RASAL2: variants seen among roughly 807,000 people sequenced by gnomAD.
RASAL2 encodes RAS protein activator like 2, also known as ras GTPase-activating protein nGAP.
In RASAL2, 58 loss-of-function variants were observed where a neutral mutation model predicts 128.9. The observed-to-expected ratio is 0.45, with a 90% CI of 0.36 to 0.56. The LOEUF (loss-of-function observed/expected upper bound fraction) is 0.56. RASAL2 is among the 20% of genes least tolerant of loss of function. The pLI is 0.00. For synonymous variants in RASAL2, 561 were observed against 580.8 expected, an observed-to-expected ratio of 0.97 and a Z score of 0.49; for missense variants, 1,360 against 1,601.6, an observed-to-expected ratio of 0.85 and a Z score of 2.57.
intron 1 of RASAL2, chr1:178,120,950 G>C (rs1415600751): frequency 1.3e-5 from 2 of 152,294 alleles, no homozygotes; most frequent in Non-Finnish European, 2.9e-5. Context: ...CTTGCCTGCT[G>C]CTCATCTCCT....
In RASAL2 at chr1:178,442,728, G is replaced by A; in HGVS notation, c.981G>A (p.Lys327=). The A allele has an allele frequency of 2.5e-6, 4 of 1,613,630 alleles. No homozygotes were observed. Among genetic ancestry groups the A allele is most frequent in the Middle Eastern group, 1.7e-4 (1 of 6,060 alleles). The change falls in exon 8 of 18, where the codon AAG becomes AAA. Residue 327 remains lysine (K), a synonymous_variant. Transcript: ENST00000367649. ...NVLRLWIIEA[K]DLAPKKKYFC... is the part of the protein sequence containing the mutation. ...TTCGTTTATGGATCATTGAAGCCAA[G>A]GACCTTGCCCCTAAAAAGAAATATT...
At chr1:178,224,988 A>G (rs1180124501) in intron 1 of RASAL2, among the ~76,000 whole-genome samples, 2 of 152,142 alleles carry the variant, frequency 1.3e-5, no homozygotes, top group Non-Finnish European at 2.9e-5. Context: ...TCTGTGGATC[A>G]TAGTTTAGAA....
Position 178,473,131 on chromosome 1 carries a change from C to G in RASAL2, c.3735C>G (p.Thr1245=), listed in dbSNP as rs1281631074. 1.2e-6 allele frequency: 2 copies of G among 1,614,026 alleles called. No homozygotes were observed. The highest frequency in any genetic ancestry group is 2.7e-5 in the African/African-American group (2 of 74,896). The change falls in exon 18 of 18, where the codon ACC becomes ACG. Residue 1245 remains threonine, a synonymous_variant. Transcript: ENST00000367649. ...SANTRLMSAL[T]QVKERYSMQV... is the part of the protein sequence containing the mutation. Reference sequence around the variant, plus strand: ...ACACCAGACTGATGAGCGCGCTGACCCAAGTGAAGGAGCGGTACAGCATGC... The same window carrying G: ...ACACCAGACTGATGAGCGCGCTGACGCAAGTGAAGGAGCGGTACAGCATGC...
intron 1 of RASAL2, among the ~76,000 whole-genome samples, chr1:178,259,991 T>C (rs1317382179): frequency 6.6e-6 from 1 of 152,102 alleles, no homozygotes; most frequent in Non-Finnish European, 1.5e-5. Flanking sequence ...TTAGACCTAA[T>C]GATCTTACAA....
chr1:178,412,335 T>C (rs1674445401), intron 4 of RASAL2, among the ~76,000 whole-genome samples: 1 of 152,208 alleles, frequency 6.6e-6, no homozygotes, highest in Non-Finnish European at 1.5e-5. Context: ...ACCATGATTT[T>C]ATGGACTATT....
chr1:178,291,755 G>T (rs1222486471), intron 2 of RASAL2, among the ~76,000 whole-genome samples: 1 of 152,088 alleles, frequency 6.6e-6, no homozygotes, highest in Non-Finnish European at 1.5e-5. Flanking sequence ...AAAGAATGTG[G>T]GCCGGGCACG....
intron 1 of RASAL2, among the ~76,000 whole-genome samples, chr1:178,277,164 A>G (rs1024738530): frequency 6.6e-6 from 1 of 151,394 alleles, no homozygotes; most frequent in Non-Finnish European, 1.5e-5. Context: ...AAAAAAAAAA[A>G]AAAAAACCAA....
intron 4 of RASAL2, among the ~76,000 whole-genome samples, chr1:178,395,841 G>C (rs1185748565): frequency 6.7e-6 from 1 of 149,014 alleles, no homozygotes; most frequent in Non-Finnish European, 1.5e-5. Flanking sequence ...ATATTCATAT[G>C]TCTATGAAAA....
At position 178,384,691 on chromosome 1, in the gene RASAL2, C is replaced by A. The variant is rs552843306; in HGVS notation, c.458-5409C>A. ...AAAAAAAAAAACACACACACACACA[C>A]AAAAAAAAAACTCAATATGAGCTAA... On this transcript the variant is annotated intron_variant, in intron 3 of 17. Transcript: ENST00000367649. Among the ~76,000 whole-genome samples the A allele has an allele frequency of 6.4e-3, 900 of 140,694 alleles. 10 individuals are homozygous for A. Among genetic ancestry groups the A allele is most frequent in the African/African-American group, 0.016 (591 of 37,116 alleles). 92.3% of individuals were successfully genotyped at this position (140,694 alleles called of 152,430 possible).
chr1:178,412,120 A>G (rs1383878265), intron 4 of RASAL2: 1 of 277,180 alleles, frequency 3.6e-6, no homozygotes, highest in Non-Finnish European at 6.9e-6. Flanking sequence ...GAGTCAAGGA[A>G]TTATGAAGCT....
chr1:178,186,987 C>T, intron 1 of RASAL2, among the ~76,000 whole-genome samples: 1 of 152,012 alleles, frequency 6.6e-6, no homozygotes, highest in Non-Finnish European at 1.5e-5. Context: ...CCATGCCTTA[C>T]CAATTGTTCA....
intron 1 of RASAL2, among the ~76,000 whole-genome samples, chr1:178,252,925 G>A (rs1218317030): frequency 1.3e-5 from 2 of 152,126 alleles, no homozygotes; most frequent in Non-Finnish European, 2.9e-5. Flanking sequence ...CCAGTAACTG[G>A]TAAACCTTGC....
intron 3 of RASAL2, among the ~76,000 whole-genome samples, chr1:178,305,606 T>A (rs981762526): frequency 9.2e-5 from 14 of 152,122 alleles, no homozygotes; most frequent in Non-Finnish European, 1.9e-4. Context: ...TTGTTTAAAG[T>A]GGGAAGACTG....
intron 1 of RASAL2, among the ~76,000 whole-genome samples, chr1:178,208,991 TA>T (rs991687183): frequency 1.3e-5 from 2 of 152,066 alleles, no homozygotes; most frequent in African/African-American, 4.8e-5. Flanking sequence ...TTTTTTTTTT[TA>T]AATGATCGTA....
intron 4 of RASAL2, among the ~76,000 whole-genome samples, chr1:178,418,504 TATA>T (rs1441981705): frequency 6.6e-6 from 1 of 152,188 alleles, no homozygotes; most frequent in African/African-American, 2.4e-5. Context: ...GTCTATGTGA[TATA>T]TACTAGGAGT....
chr1:178,403,858 G>A (rs897382034), intron 4 of RASAL2, among the ~76,000 whole-genome samples: 14 of 152,058 alleles, frequency 9.2e-5, no homozygotes, highest in East Asian at 3.9e-4. Flanking sequence ...TAATAATTGC[G>A]TGACAAAAAA....
chr1:178,315,256 G>T (rs1402855297), intron 3 of RASAL2, among the ~76,000 whole-genome samples: 3 of 149,684 alleles, frequency 2.0e-5, no homozygotes, highest in Non-Finnish European at 4.4e-5. Context: ...CCATACATGT[G>T]CATGTGTCTT....
At chr1:178,240,955 T>C (rs1004826991) in intron 1 of RASAL2, among the ~76,000 whole-genome samples, 6 of 151,756 alleles carry the variant, frequency 4.0e-5, no homozygotes, top group Non-Finnish European at 8.8e-5. Context: ...ATGACTTTTT[T>C]ATTGATTAGA....
intron 4 of RASAL2, among the ~76,000 whole-genome samples, chr1:178,398,703 A>T (rs886827909): frequency 2.0e-5 from 3 of 152,060 alleles, no homozygotes; most frequent in Admixed American, 1.3e-4. Flanking sequence ...TTCTTAAAAA[A>T]TTTTCCCTTG....
Sources: gnomAD v4.1 joint callset for allele counts (sites outside exome capture counted in the v4.1 genomes callset) on GRCh38, gnomAD v4.1.1 for gene constraint, MANE v1.5 for transcripts, NCBI Gene and HGNC (gene_info 2026-07-23, HGNC 2026-07-21) for gene names.